Variants in MUC4 observed in about 807,000 individuals in gnomAD.
MUC4 encodes the protein mucin-4.
A neutral mutation model predicts 257.9 loss-of-function variants in MUC4; 202 were observed. That is an observed-to-expected ratio of 0.78 (90% CI 0.70 to 0.88). The LOEUF is 0.88. Among genes scored for constraint, MUC4 ranks in the 40% least tolerant of loss-of-function variants. MUC4 has a pLI of 0.00. For synonymous variants in MUC4, 2,351 were observed against 2,757.1 expected, an observed-to-expected ratio of 0.85 and a Z score of 4.62; for missense variants, 5,976 against 6,513.7, an observed-to-expected ratio of 0.92 and a Z score of 2.84.
intron 1 of MUC4, 21 bp from the exon 2 acceptor site, chr3:195,791,518 C>T (rs1428687481): frequency 1.3e-6 from 2 of 1,517,118 alleles, no homozygotes; most frequent in South Asian, 2.3e-5. Flanking sequence ...CCAAAATAGG[C>T]AAGCAGAGAG....
At chr3:195,775,619 G>GC (rs1724360006) in intron 3 of MUC4, among the ~76,000 whole-genome samples, 1 of 32,504 alleles carries the variant, frequency 3.1e-5, no homozygotes, top group Non-Finnish European at 6.2e-5. Flanking sequence ...ACCTTCCACA[G>GC]TCATACCTTC....
At chr3:195,760,639 A>AGTGGAGGGGG (rs369348840) in intron 16 of MUC4, among the ~76,000 whole-genome samples, 3 of 65,266 alleles carry the variant, frequency 4.6e-5, no homozygotes, top group East Asian at 5.2e-4. Context: ...GCTAGGATGG[A>AGTGGAGGGGG]CGGAGGGGGC....
intron 8 of MUC4, among the ~76,000 whole-genome samples, chr3:195,766,364 AC>A (rs1165278745): frequency 2.0e-5 from 3 of 151,662 alleles, no homozygotes; most frequent in Non-Finnish European, 4.4e-5. Flanking sequence ...CTCCCACAAG[AC>A]CCTGTCCTCA....
In MUC4 at chr3:195,780,941, T is replaced by C. The variant is rs539345112; in HGVS notation, c.10639A>G (p.Thr3547Ala). The change falls in exon 2 of 25, where the codon ACA (threonine) becomes GCA (alanine). Residue 3547 changes from threonine to alanine, a missense_variant. Thr to Ala is a moderately conservative substitution (Grantham distance 58, BLOSUM62 0). Transcript: ENST00000463781. ...ACAGGAAGAGGGGTGGTGTCACCTG[T>C]GGATACTGAGGAAAGGCTGGTGACA... ...LPVTSLSSVS[T>A]GDTTPLPVTD... 149 of 1,513,618 alleles carry C rather than the reference T, an allele frequency of 9.8e-5. 1 individual carries two copies. The East Asian group carries it at 3.6e-3, about 36-fold the overall frequency. The allele number at this position is 1,513,618 out of a possible 1,614,324, so 93.8% of individuals were successfully genotyped here.
chr3:195,770,968 C>A, intron 5 of MUC4: 1 of 424,240 alleles, frequency 2.4e-6, no homozygotes, highest in South Asian at 1.6e-5. Context: ...TTGGGGTATT[C>A]CTGGTCAGTC....
In MUC4 at chr3:195,784,621, G is replaced by A; in HGVS notation, c.6959C>T (p.Pro2320Leu). 7.1e-7 allele frequency: 1 copy of A among 1,399,440 alleles called. No individual in the cohort carries two copies. Among genetic ancestry groups the A allele is most frequent in the Non-Finnish European group, 9.6e-7 (1 of 1,042,322 alleles). The allele number at this position is 1,399,440 out of a possible 1,614,324, so 86.7% of individuals were successfully genotyped here. A position where few individuals can be genotyped will look rare whatever the true frequency, so the allele number is the denominator to read the frequency against. ...TGAGGAAAGGCTGGTGACAGGAAGA[G>A]GGGTGGCGTGACCTGTGGATGCTGA... Reference protein sequence around the residue: ...ASSASTGHATPLPVTSLSSAS... With the variant: ...ASSASTGHATLLPVTSLSSAS... Residue 2320 changes from proline (P) to leucine (L), a missense_variant, in exon 2 of 25, where the codon CCT becomes CTT. Physicochemically the swap from Pro to Leu is moderately conservative, Grantham distance 98. Around this residue, in one of 44 missense-constraint regions of MUC4, gnomAD observed 62 missense variants for 74.0 expected, o/e 0.84. Coordinates refer to ENST00000463781, the MANE Select transcript of MUC4 (RefSeq NM_018406.7).
Position 195,790,190 on chromosome 3 carries a change from G to A in MUC4, c.1390C>T (p.Arg464Trp), listed in dbSNP as rs781336737. 4.4e-5 allele frequency: 71 copies of A among 1,613,878 alleles called. No homozygotes were observed. Among genetic ancestry groups the A allele is most frequent in the African/African-American group, 8.0e-5 (6 of 74,914 alleles). The change falls in exon 2 of 25, where the codon CGG becomes TGG. Residue 464 changes from arginine to tryptophan, a missense_variant. By Grantham distance (101) the Arg-to-Trp change is moderately radical (BLOSUM62 -3). Around this residue, in one of 44 missense-constraint regions of MUC4, gnomAD observed 1,583 missense variants for 1,257.4 expected, o/e 1.26. Coordinates refer to ENST00000463781, the MANE Select transcript of MUC4 (RefSeq NM_018406.7). ...QQSEGAETTG[R>W]PHERSSFSPG... is the part of the protein sequence containing the mutation. Reference sequence around the variant, plus strand: ...GAGAATGAGCTCCTCTCATGAGGCCGTCCTGTGGTCTCTGCACCTTCACTC... The same window carrying A: ...GAGAATGAGCTCCTCTCATGAGGCCATCCTGTGGTCTCTGCACCTTCACTC...
intron 18 of MUC4, among the ~76,000 whole-genome samples, chr3:195,756,540 C>T (rs1157891216): frequency 2.0e-5 from 3 of 151,776 alleles, no homozygotes; most frequent in Non-Finnish European, 4.4e-5. Context: ...TTCTTTCTTT[C>T]GTCCTTCTTT....
rs139243687 is a variant in MUC4, at chr3:195,793,186, T to G, written c.83-1689A>C. On this transcript the variant is annotated intron_variant, in intron 1 of 24. Transcript: ENST00000463781. ...AATTAATATATCACAACTGTACATA[T>G]TTGGGGGATAAAAAAATAATAAGAG... Among the ~76,000 whole-genome samples the G allele has an allele frequency of 7.2e-4, 109 of 151,006 alleles. No homozygotes were observed. In the East Asian group the frequency reaches 0.016, roughly 22 times the overall value.
chr3:195,760,841 C>T (rs775581698), intron 16 of MUC4, 43 bp downstream of exon 16: 2 of 1,551,184 alleles, frequency 1.3e-6, no homozygotes, highest in Non-Finnish European at 1.8e-6. Flanking sequence ...TCCTCATCTG[C>T]TCCCGACTCT....
chr3:195,771,226 T>A, intron 5 of MUC4, among the ~76,000 whole-genome samples: 1 of 38,816 alleles, frequency 2.6e-5, no homozygotes, highest in Non-Finnish European at 4.7e-5. Flanking sequence ...GGTGTATTCC[T>A]GGTCAGTCTC....
At chr3:195,763,012 G>A (rs903640287) in intron 12 of MUC4, 67 bp from the exon 13 acceptor site, 20 of 1,316,706 alleles carry the variant, frequency 1.5e-5, no homozygotes, top group Middle Eastern at 1.8e-4. Context: ...GAAAGCAGCT[G>A]GGAGAGCCCC....
chr3:195,758,550 T>C (rs907078001), intron 17 of MUC4, among the ~76,000 whole-genome samples: 23 of 136,374 alleles, frequency 1.7e-4, no homozygotes, highest in African/African-American at 6.1e-4. Flanking sequence ...TATGATCAGA[T>C]TGAGATTAAA....
At chr3:195,773,524 A>G (rs539917288) in intron 4 of MUC4, among the ~76,000 whole-genome samples, 46 of 124,152 alleles carry the variant, frequency 3.7e-4, no homozygotes, top group African/African-American at 1.7e-3. Flanking sequence ...CCCTCTCTCC[A>G]TCGCTCAGCA....
rs1438924359 is a variant in MUC4, at chr3:195,778,178, T to C, written c.12943+125A>G. On this transcript the variant is annotated intron_variant, in intron 3 of 24. Coordinates refer to ENST00000463781, the MANE Select transcript of MUC4 (RefSeq NM_018406.7). The stretch of plus-strand genomic sequence containing the variant: ...CAGCCCTCAGGAGCGACTCCGATGC[T>C]GTGTCCCTGTCCTCGGTAAGGCCCT... 5.5e-6 allele frequency: 7 copies of C among 1,275,092 alleles called. No individual in the cohort carries two copies. The Admixed American group carries it at 1.5e-4, about 27-fold the overall frequency. 79.0% of individuals were successfully genotyped at this position (1,275,092 alleles called of 1,614,324 possible).
chr3:195,764,856 G>A (rs1720080593), intron 10 of MUC4, 141 bp downstream of exon 10: 2 of 1,245,332 alleles, frequency 1.6e-6, no homozygotes, highest in Non-Finnish European at 2.3e-6. Flanking sequence ...TGGGGATGTT[G>A]GAAGCTTCCT....
chr3:195,764,902 GGGAA>G, intron 10 of MUC4, 91 bp downstream of exon 10: 1 of 1,513,804 alleles, frequency 6.6e-7, no homozygotes. Flanking sequence ...GCCCAGAGAG[GGGAA>G]GGGTCTGGGA....
In MUC4 at chr3:195,765,445, G is replaced by T; in HGVS notation, c.13623C>A (p.Leu4541=). 1.9e-6 allele frequency: 3 copies of T among 1,611,742 alleles called. No homozygotes were observed. The highest frequency in any genetic ancestry group is 2.5e-6 in the Non-Finnish European group (3 of 1,178,728). Residue 4541 remains leucine (L), a synonymous_variant, in exon 9 of 25, where the codon CTC becomes CTA. Coordinates refer to ENST00000463781, the MANE Select transcript of MUC4 (RefSeq NM_018406.7). ...PDRFLNSNSG[L]QGLQFYRLHR... ...GTAGCCTGTAGAACTGCAGCCCTTGGAGGCCTGAGGTCGGGGATGGGGGGG... is the reference window on the plus strand; with the variant it reads ...GTAGCCTGTAGAACTGCAGCCCTTGTAGGCCTGAGGTCGGGGATGGGGGGG...
At chr3:195,771,591 G>A in intron 5 of MUC4, 61 bp downstream of exon 5, 1 of 1,574,078 alleles carries the variant, frequency 6.4e-7, no homozygotes, top group Non-Finnish European at 8.7e-7. Context: ...CTTCCACACA[G>A]CTCTTTGTCT....
Sources: gnomAD v4.1 joint callset for allele counts (sites outside exome capture counted in the v4.1 genomes callset) on GRCh38, gnomAD v4.1.1 for gene constraint, gnomAD v4.1.1 regional missense constraint, MANE v1.5 for transcripts, NCBI Gene and HGNC (gene_info 2026-07-23, HGNC 2026-07-21) for gene names.